Variants in TMEM132D observed in about 807,000 individuals in gnomAD.
TMEM132D encodes mature OL transmembrane protein.
Under a neutral mutation model 62.3 loss-of-function variants are expected in TMEM132D, and 21 were observed. That is an observed-to-expected ratio of 0.34 (90% CI 0.24 to 0.49). TMEM132D has a LOEUF of 0.49. Ranked by LOEUF, TMEM132D falls within the 20% of genes least tolerant of loss-of-function variation. TMEM132D has a pLI of 0.99. For missense variants in TMEM132D, 1,346 were observed against 1,402.8 expected, an observed-to-expected ratio of 0.96 and a Z score of 0.65; for synonymous variants, 621 against 575.6, an observed-to-expected ratio of 1.08 and a Z score of -1.13.
At chr12:129,119,253 T>C (rs1875988669) in intron 5 of TMEM132D, among the ~76,000 whole-genome samples, 1 of 152,226 alleles carries the variant, frequency 6.6e-6, no homozygotes, top group East Asian at 1.9e-4. Context: ...ATATACTGTG[T>C]AGTGCTAAGT....
chr12:129,667,708 GT>G (rs1880410765), intron 2 of TMEM132D, among the ~76,000 whole-genome samples: 1 of 151,846 alleles, frequency 6.6e-6, no homozygotes, highest in Non-Finnish European at 1.5e-5. Flanking sequence ...CTAACCTAAA[GT>G]CCAAAAATAA....
chr12:129,288,466 A>C (rs1881363372), intron 4 of TMEM132D, among the ~76,000 whole-genome samples: 1 of 152,256 alleles, frequency 6.6e-6, no homozygotes. Flanking sequence ...ATTTCTCCAA[A>C]GAAGACATAC....
intron 3 of TMEM132D, among the ~76,000 whole-genome samples, chr12:129,398,287 A>C (rs1044304516): frequency 6.6e-6 from 1 of 152,168 alleles, no homozygotes; most frequent in Non-Finnish European, 1.5e-5. Flanking sequence ...TACTATCTTT[A>C]GTGCCTGTTT....
intron 1 of TMEM132D, among the ~76,000 whole-genome samples, chr12:129,874,928 C>T (rs1045566508): frequency 2.6e-5 from 4 of 152,178 alleles, no homozygotes; most frequent in South Asian, 2.1e-4. Flanking sequence ...CTGCTCACCT[C>T]GGCCTCCCAA....
intron 3 of TMEM132D, among the ~76,000 whole-genome samples, chr12:129,424,466 C>T (rs182356966): frequency 3.5e-4 from 53 of 152,022 alleles, no homozygotes; most frequent in African/African-American, 1.2e-3. Flanking sequence ...CTCGGGAGGC[C>T]GAGACGGGCA....
intron 5 of TMEM132D, among the ~76,000 whole-genome samples, chr12:129,200,518 A>C (rs1878673819): frequency 6.6e-6 from 1 of 152,142 alleles, no homozygotes; most frequent in Admixed American, 6.5e-5. Flanking sequence ...CAGCTTCTCC[A>C]TTCCTGAGCT....
chr12:129,833,805 G>A (rs752996803), intron 1 of TMEM132D, among the ~76,000 whole-genome samples: 6 of 152,112 alleles, frequency 3.9e-5, no homozygotes, highest in Admixed American at 6.5e-5. Context: ...TTAACAAGTC[G>A]GTGTCAGTCT....
chr12:129,833,632 C>CA (rs917739797), intron 1 of TMEM132D, among the ~76,000 whole-genome samples: 1 of 151,934 alleles, frequency 6.6e-6, no homozygotes, highest in Non-Finnish European at 1.5e-5. Flanking sequence ...CTCAAAAAAA[C>CA]AAAAAACTCA....
intron 4 of TMEM132D, among the ~76,000 whole-genome samples, chr12:129,306,164 C>G (rs142643416): frequency 6.6e-6 from 1 of 152,106 alleles, no homozygotes. Context: ...AAACAAGGCC[C>G]GGGTTTATAT....
At chr12:129,754,127 A>G (rs888473230) in intron 1 of TMEM132D, among the ~76,000 whole-genome samples, 2 of 152,212 alleles carry the variant, frequency 1.3e-5, no homozygotes, top group African/African-American at 4.8e-5. Flanking sequence ...AGATATGAAG[A>G]AAAGAGCGGG....
chr12:129,901,924 C>G (rs146045187), intron 1 of TMEM132D, among the ~76,000 whole-genome samples: 3 of 151,232 alleles, frequency 2.0e-5, no homozygotes, highest in Non-Finnish European at 4.4e-5. Flanking sequence ...TTTTTTTAAC[C>G]TCACGTCTGC....
At chr12:129,546,007 G>A (rs547136073) in intron 2 of TMEM132D, among the ~76,000 whole-genome samples, 4 of 152,172 alleles carry the variant, frequency 2.6e-5, no homozygotes, top group Non-Finnish European at 5.9e-5. Flanking sequence ...CTGTTCTCAG[G>A]TTGTCTGAGC....
At chr12:129,656,013 A>C (rs1880063898) in intron 2 of TMEM132D, among the ~76,000 whole-genome samples, 1 of 152,124 alleles carries the variant, frequency 6.6e-6, no homozygotes, top group Non-Finnish European at 1.5e-5. Flanking sequence ...AAGCTGCTTC[A>C]CCAAGCCTTC....
intron 5 of TMEM132D, among the ~76,000 whole-genome samples, chr12:129,105,638 T>C (rs1875474615): frequency 6.7e-6 from 1 of 149,102 alleles, no homozygotes. Context: ...AAGGAAGACA[T>C]TTATGCAGCC....
intron 7 of TMEM132D, among the ~76,000 whole-genome samples, chr12:129,081,332 T>C (rs1243021917): frequency 6.6e-6 from 1 of 152,158 alleles, no homozygotes; most frequent in East Asian, 1.9e-4. Context: ...GGGGTCTAGC[T>C]CCATCATCCA....
chr12:129,126,847 C>T (rs1876228373), intron 5 of TMEM132D, among the ~76,000 whole-genome samples: 1 of 152,168 alleles, frequency 6.6e-6, no homozygotes, highest in African/African-American at 2.4e-5. Context: ...AACAAGGGCC[C>T]AGTTCTCCAT....
At chr12:129,151,162 G>A (rs12303223) in intron 5 of TMEM132D, among the ~76,000 whole-genome samples, 45,096 of 152,108 alleles carry the variant, frequency 0.3, 7,019 homozygotes, top group Middle Eastern at 0.38. Flanking sequence ...TTGTCCTAAT[G>A]CAGGGCATGG....
intron 1 of TMEM132D, among the ~76,000 whole-genome samples, chr12:129,813,599 T>C (rs1289633015): frequency 8.9e-6 from 1 of 112,236 alleles, no homozygotes; most frequent in Non-Finnish European, 1.9e-5. Context: ...GATGGACGGA[T>C]ACAGAAAATG....
chr12:129,437,971 C>T (rs907866643), intron 3 of TMEM132D, among the ~76,000 whole-genome samples: 2 of 146,586 alleles, frequency 1.4e-5, no homozygotes, highest in South Asian at 2.3e-4. Context: ...CTCCCACTTA[C>T]GAGCAAGAAT....
Sources: gnomAD v4.1 joint callset for allele counts (sites outside exome capture counted in the v4.1 genomes callset) on GRCh38, gnomAD v4.1.1 for gene constraint, MANE v1.5 for transcripts, NCBI Gene and HGNC (gene_info 2026-07-23, HGNC 2026-07-21) for gene names.